Variants in MMP17 observed in about 807,000 individuals in gnomAD.
MMP17 encodes the protein matrix metallopeptidase 17.
Under a neutral mutation model 49.1 loss-of-function variants are expected in MMP17, and 54 were observed. The ratio of observed to expected loss-of-function variants is 1.10; its 90% CI spans 0.88 to 1.38. MMP17 has a LOEUF of 1.38. Ranked by LOEUF, MMP17 falls within the 40% of genes most tolerant of loss-of-function variation. MMP17 has a pLI of 0.00. For missense variants in MMP17, 837 were observed against 853.7 expected, an observed-to-expected ratio of 0.98 and a Z score of 0.24; for synonymous variants, 397 against 383.1, an observed-to-expected ratio of 1.04 and a Z score of -0.42.
At chr12:131,848,710 C>A (rs930595029) in intron 8 of MMP17, among the ~76,000 whole-genome samples, 5 of 152,174 alleles carry the variant, frequency 3.3e-5, no homozygotes, top group Non-Finnish European at 5.9e-5. Flanking sequence ...TGTCACTCAG[C>A]GGAAGGTCCT....
chr12:131,843,885 C>T (rs1887553501), intron 5 of MMP17, 112 bp from the exon 6 acceptor site: 1 of 736,732 alleles, frequency 1.4e-6, no homozygotes. Context: ...CCCCACAGAG[C>T]CTGTCTGCTG....
In MMP17 at chr12:131,838,643, A is replaced by G. The variant is rs747333867; in HGVS notation, c.324A>G (p.Pro108=). Residue 108 remains proline, a synonymous_variant, in exon 3 of 10, where the codon CCA becomes CCG. Coordinates refer to ENST00000360564, the MANE Select transcript of MMP17 (RefSeq NM_016155.7). ...CCACCCTGGCCCTGATGAAAACCCCACGCTGCTCCCTGCCAGACCTCCCTG... is the reference window on the plus strand; with the variant it reads ...CCACCCTGGCCCTGATGAAAACCCCGCGCTGCTCCCTGCCAGACCTCCCTG... ...DEATLALMKT[P]RCSLPDLPVL... 1.9e-6 allele frequency: 3 copies of G among 1,611,222 alleles called. No individual in the cohort carries two copies. In the South Asian group the frequency reaches 3.3e-5, roughly 18 times the overall value.
chr12:131,837,069 G>A (rs1887119475), intron 1 of MMP17, among the ~76,000 whole-genome samples: 1 of 152,212 alleles, frequency 6.6e-6, no homozygotes, highest in Admixed American at 6.5e-5. Flanking sequence ...CTCCTACTCA[G>A]CTCCGGTGTG....
intron 8 of MMP17, among the ~76,000 whole-genome samples, chr12:131,845,842 C>T (rs59117695): frequency 0.011 from 1,685 of 152,126 alleles, 39 homozygotes; most frequent in African/African-American, 0.037. Context: ...GGGGAACGGC[C>T]GTGCGAGGCA....
chr12:131,841,495 T>A (rs1366739408), intron 4 of MMP17, 129 bp from the exon 5 acceptor site: 7 of 952,084 alleles, frequency 7.4e-6, no homozygotes, highest in Non-Finnish European at 1.1e-5. Context: ...CCCTGCAGAA[T>A]CCCTCTGGCG....
intron 1 of MMP17, among the ~76,000 whole-genome samples, chr12:131,831,764 C>CGT (rs1566080558): frequency 1.5e-5 from 2 of 130,504 alleles, no homozygotes; most frequent in African/African-American, 6.0e-5. Context: ...GACAGGCTGC[C>CGT]GTGCGATCAG....
chr12:131,838,744 G>T lies in MMP17; in HGVS notation c.422+3G>T, dbSNP rs766252539. The T allele has an allele frequency of 6.4e-6, 10 of 1,562,710 alleles. No homozygotes were observed. The African/African-American group carries it at 6.8e-5, about 11-fold the overall frequency. The stretch of plus-strand genomic sequence containing the variant: ...AACAAGAGGAACCTGTCGTGGAGGT[G>T]GGTGTGTGGCCAGGGTGAGGAGCGG... On this transcript the variant is annotated splice_donor_region_variant and intron_variant, in intron 3 of 9. Coordinates refer to ENST00000360564, the MANE Select transcript of MMP17 (RefSeq NM_016155.7).
chr12:131,850,173 T>C, intron 9 of MMP17, 114 bp downstream of exon 9: 8 of 1,389,022 alleles, frequency 5.8e-6, no homozygotes, highest in Non-Finnish European at 7.6e-6. Flanking sequence ...CCGGTCGGTG[T>C]GGGCTCTGAG....
chr12:131,840,128 T>C (rs1887307716), intron 3 of MMP17: 1 of 159,908 alleles, frequency 6.3e-6, no homozygotes, highest in Non-Finnish European at 1.4e-5. Context: ...AGGTTCCGGA[T>C]GGACGTGAAT....
Position 131,838,667 on chromosome 12 carries a change from T to C in MMP17, c.348T>C (p.Pro116=), listed in dbSNP as rs761859214. ...CACGCTGCTCCCTGCCAGACCTCCCTGTCCTGACCCAGGCTCGCAGGAGAC... is the reference window on the plus strand; with the variant it reads ...CACGCTGCTCCCTGCCAGACCTCCCCGTCCTGACCCAGGCTCGCAGGAGAC... The part of the protein sequence containing the change: ...KTPRCSLPDL[P]VLTQARRRRQ... The change falls in exon 3 of 10, where the codon CCT becomes CCC. Residue 116 remains proline (P), a synonymous_variant. Coordinates refer to ENST00000360564, the MANE Select transcript of MMP17 (RefSeq NM_016155.7). The C allele has an allele frequency of 6.2e-7, 1 of 1,611,094 alleles. No individual in the cohort carries two copies. The highest frequency in any genetic ancestry group is 8.5e-7 in the Non-Finnish European group (1 of 1,179,652).
intron 2 of MMP17, 21 bp downstream of exon 2, chr12:131,838,348 C>T (rs893105727): frequency 9.3e-6 from 15 of 1,609,180 alleles, no homozygotes; most frequent in African/African-American, 1.3e-5. Context: ...CAGGGGGCAG[C>T]GGGAGCGCCG....
chr12:131,850,840 A>C (rs1887934503), intron 9 of MMP17, 85 bp from the exon 10 acceptor site: 1 of 1,068,712 alleles, frequency 9.4e-7, no homozygotes, highest in Non-Finnish European at 1.3e-6. Context: ...GCCCTCCCTG[A>C]GCCCAACGCT....
chr12:131,835,832 A>C (rs1887057308), intron 1 of MMP17, among the ~76,000 whole-genome samples: 1 of 152,190 alleles, frequency 6.6e-6, no homozygotes. Context: ...CTGTGATCTT[A>C]ACAAAGGACT....
rs371665989 is a variant in MMP17, at chr12:131,838,077, G to A, written c.160-118G>A. On this transcript the variant is annotated intron_variant, in intron 1 of 9. Transcript: ENST00000360564. Reference sequence around the variant, plus strand: ...AGGGAAGAGACAAGAGGTGCCTTGTGGGCAGATAGGGGGCTGGGAGGGGGC... The same window carrying A: ...AGGGAAGAGACAAGAGGTGCCTTGTAGGCAGATAGGGGGCTGGGAGGGGGC... The A allele has an allele frequency of 4.2e-5, 55 of 1,294,890 alleles. No individual in the cohort carries two copies. In the African/African-American group the frequency reaches 6.0e-4, roughly 14 times the overall value. 80.2% of individuals were successfully genotyped at this position (1,294,890 alleles called of 1,614,324 possible).
In MMP17 at chr12:131,840,836, C is replaced by G. The variant is rs1256457659; in HGVS notation, c.686C>G (p.Ala229Gly). ...GACACCCACTTTGACGATGACGAGG[C>G]CTGGACCTTCCGCTCCTCGGGTGCG... ...AGDTHFDDDE[A>G]WTFRSSDAHG... The change falls in exon 4 of 10, where the codon GCC (alanine) becomes GGC (glycine). Residue 229 changes from alanine (A) to glycine (G), a missense_variant. By Grantham distance (60) the Ala-to-Gly change is moderately conservative (BLOSUM62 0). Coordinates refer to ENST00000360564, the MANE Select transcript of MMP17 (RefSeq NM_016155.7). 1 of 1,602,608 alleles carries G rather than the reference C, an allele frequency of 6.2e-7. No individual in the cohort carries two copies. The highest frequency in any genetic ancestry group is 2.2e-5 in the East Asian group (1 of 44,720).
In MMP17 at chr12:131,845,305, T is replaced by A. The variant is rs1300370696; in HGVS notation, c.1060T>A (p.Phe354Ile). 1.9e-6 allele frequency: 3 copies of A among 1,608,288 alleles called. No homozygotes were observed. The highest frequency in any genetic ancestry group is 2.6e-6 in the Non-Finnish European group (3 of 1,175,922). ...GEAFFFKGKY[F>I]WRLTRDRHLV... is the part of the protein sequence containing the mutation. ...CCCCTCTGTGCCCCCAGGCAAGTAC[T>A]TCTGGCGGCTGACGCGGGACCGGCA... Residue 354 changes from phenylalanine (F) to isoleucine (I), a missense_variant, in exon 8 of 10, where the codon TTC (phenylalanine) becomes ATC (isoleucine). Coordinates refer to ENST00000360564, the MANE Select transcript of MMP17 (RefSeq NM_016155.7).
intron 5 of MMP17, among the ~76,000 whole-genome samples, chr12:131,843,068 T>G (rs1164356239): frequency 6.6e-6 from 1 of 151,888 alleles, no homozygotes; most frequent in Non-Finnish European, 1.5e-5. Context: ...CGATCTCGGC[T>G]CGCTGCGACC....
At position 131,850,995 on chromosome 12, in the gene MMP17, G is replaced by A. The variant is rs1018703681; in HGVS notation, c.1533G>A (p.Gly511=). The A allele has an allele frequency of 2.5e-6, 4 of 1,571,746 alleles. No homozygotes were observed. In the African/African-American group the frequency reaches 4.1e-5, roughly 16 times the overall value. The change falls in exon 10 of 10, where the codon GGG becomes GGA. Residue 511 remains glycine, a synonymous_variant. Coordinates refer to ENST00000360564, the MANE Select transcript of MMP17 (RefSeq NM_016155.7). The stretch of plus-strand genomic sequence containing the variant: ...ATGGCGAGCTGGAGGTGGCACCCGG[G>A]TACCCACAGTCCACGGCCCGGGACT... The part of the protein sequence containing the change: ...VLDGELEVAP[G]YPQSTARDWL...
rs188717255 is a variant in MMP17, at chr12:131,837,948, G to T, written c.160-247G>T. 5.6e-3 allele frequency: 2,153 copies of T among 384,824 alleles called. 15 individuals are homozygous for T. Among genetic ancestry groups the T allele is most frequent in the Admixed American group, 0.017 (432 of 25,022 alleles). 23.8% of individuals were successfully genotyped at this position (384,824 alleles called of 1,614,324 possible). ...GATGGTCTCCATCTCCTGACCTCAT[G>T]ATCCGCCTGCCTCGGCCTCCCAAAC... is the stretch of plus-strand genomic sequence containing the variant. On this transcript the variant is annotated intron_variant, in intron 1 of 9. Coordinates refer to ENST00000360564, the MANE Select transcript of MMP17 (RefSeq NM_016155.7).
Sources: allele counts gnomAD v4.1 joint callset (sites outside exome capture counted in the v4.1 genomes callset), GRCh38; gene constraint gnomAD v4.1.1; transcripts MANE v1.5; gene names NCBI Gene and HGNC (gene_info 2026-07-23, HGNC 2026-07-21).